Variants in PRR16 observed in about 807,000 individuals in gnomAD.
PRR16 encodes the protein proline rich 16, also known as protein Largen.
In PRR16, 6 loss-of-function variants were observed where a neutral mutation model predicts 18.2. The ratio of observed to expected loss-of-function variants is 0.33; its 90% CI spans 0.18 to 0.65. The LOEUF (loss-of-function observed/expected upper bound fraction) is 0.65. PRR16 is among the 30% of genes least tolerant of loss of function. PRR16 has a pLI of 0.74. For missense variants in PRR16, 412 were observed against 376.6 expected, an observed-to-expected ratio of 1.09 and a Z score of -0.78; for synonymous variants, 151 against 147.8, an observed-to-expected ratio of 1.02 and a Z score of -0.16.
chr5:120,639,615 G>T (rs1755355205), intron 1 of PRR16, among the ~76,000 whole-genome samples: 1 of 151,818 alleles, frequency 6.6e-6, no homozygotes, highest in Non-Finnish European at 1.5e-5. Flanking sequence ...AGTCAGAATG[G>T]CTATGATCAG....
At chr5:120,515,597 T>A (rs1750963039) in intron 1 of PRR16, among the ~76,000 whole-genome samples, 1 of 152,190 alleles carries the variant, frequency 6.6e-6, no homozygotes, top group Admixed American at 6.5e-5. Context: ...TACATTCTGA[T>A]CACTTTCTTT....
At chr5:120,670,738 A>T (rs148459663) in intron 1 of PRR16, among the ~76,000 whole-genome samples, 4 of 152,272 alleles carry the variant, frequency 2.6e-5, no homozygotes, top group Admixed American at 6.5e-5. Flanking sequence ...CACTCCCTTC[A>T]TGGTTGAACC....
chr5:120,583,637 G>A (rs1219115043), intron 1 of PRR16, among the ~76,000 whole-genome samples: 1 of 152,086 alleles, frequency 6.6e-6, no homozygotes, highest in Non-Finnish European at 1.5e-5. Context: ...TTGAGATTTG[G>A]GTATGATGAA....
chr5:120,585,615 C>CT (rs1753414587), intron 1 of PRR16, among the ~76,000 whole-genome samples: 1 of 143,444 alleles, frequency 7.0e-6, no homozygotes, highest in Middle Eastern at 3.5e-3. Flanking sequence ...GAGACTTGGT[C>CT]TAAAAAAAAA....
At chr5:120,469,798 T>C (rs1749211762) in intron 1 of PRR16, among the ~76,000 whole-genome samples, 2 of 152,234 alleles carry the variant, frequency 1.3e-5, no homozygotes, top group African/African-American at 4.8e-5. Context: ...TTAGGCATGA[T>C]GGCCTAGCAG....
chr5:120,653,813 G>C (rs1755873751), intron 1 of PRR16, among the ~76,000 whole-genome samples: 1 of 151,892 alleles, frequency 6.6e-6, no homozygotes, highest in African/African-American at 2.4e-5. Context: ...CTCTCATGAT[G>C]ACCTGCCTGC....
chr5:120,771,587 T>A, the PRR16 span, among the ~76,000 whole-genome samples: 11 of 152,050 alleles, frequency 7.2e-5, no homozygotes, highest in Admixed American at 2.0e-4. Context: ...GAAACCATAA[T>A]AAAGTCATTT....
In PRR16 at chr5:120,645,873, A is replaced by C. The variant is rs200874300; in HGVS notation, c.160-40081A>C. Among the ~76,000 whole-genome samples the C allele has an allele frequency of 1.9e-4, 29 of 151,964 alleles. No individual in the cohort carries two copies. In the East Asian group the frequency reaches 5.6e-3, roughly 30 times the overall value. On this transcript the variant is annotated intron_variant, in intron 1 of 1. Coordinates refer to ENST00000407149, the MANE Select transcript of PRR16 (RefSeq NM_001300783.2). ...AAATATACACCATGTAATCTTGTGG[A>C]TATCTTTCGTAAAACAGAGGAAATC...
intron 1 of PRR16, among the ~76,000 whole-genome samples, chr5:120,653,207 A>C (rs942064657): frequency 6.6e-6 from 1 of 151,830 alleles, no homozygotes. Flanking sequence ...CTTGGTCTCT[A>C]TGTTGGTCCC....
At position 120,585,072 on chromosome 5, in the gene PRR16, G is replaced by T. The variant is rs1753395842; in HGVS notation, c.160-100882G>T. ...AACAAAATATTTGCCCTTCCACCTT[G>T]GGAAAGACTCAATTGTTAAAACAGC... On this transcript the variant is annotated intron_variant, in intron 1 of 1. Transcript: ENST00000407149. Among the ~76,000 whole-genome samples the T allele has an allele frequency of 2.0e-5, 3 of 152,106 alleles. No homozygotes were observed. The South Asian group carries it at 6.2e-4, about 31-fold the overall frequency.
At chr5:120,671,042 C>CT (rs1405712297) in intron 1 of PRR16, among the ~76,000 whole-genome samples, 1 of 152,070 alleles carries the variant, frequency 6.6e-6, no homozygotes. Context: ...ATCTCTTTCC[C>CT]TTTCTGTCTT....
At chr5:120,754,231 A>ATAATTATATATTATAATATATAAT in the PRR16 span, among the ~76,000 whole-genome samples, 2 of 87,634 alleles carry the variant, frequency 2.3e-5, no homozygotes, top group Non-Finnish European at 4.1e-5. Context: ...TATATAATAT[A>ATAATTATATATTATAATATATAAT]ATATATAATT....
the PRR16 span, among the ~76,000 whole-genome samples, chr5:120,752,802 A>G: frequency 1.3e-5 from 2 of 151,992 alleles, no homozygotes; most frequent in African/African-American, 4.8e-5. Context: ...TATTTAGCTT[A>G]GTCAGTGGAA....
At chr5:120,732,365 G>A in the PRR16 span, among the ~76,000 whole-genome samples, 1 of 152,104 alleles carries the variant, frequency 6.6e-6, no homozygotes, top group South Asian at 2.1e-4. Context: ...TGAAGACGAG[G>A]GAGTGGGTAT....
At position 120,664,303 on chromosome 5, in the gene PRR16, G is replaced by GAAAACAAAAC. The variant is rs150667184; in HGVS notation, c.160-21636_160-21627dup. On this transcript the variant is annotated intron_variant, in intron 1 of 1. Coordinates refer to ENST00000407149, the MANE Select transcript of PRR16 (RefSeq NM_001300783.2). The stretch of plus-strand genomic sequence containing the variant: ...GACAGAGTGAAACTCTGTCTCAAAA[G>GAAAACAAAAC]AAAACAAAACAAAACAAAACAAAAT... 3.1e-3 allele frequency among the ~76,000 whole-genome samples: 461 copies of GAAAACAAAAC among 149,670 alleles called. 3 individuals carry two copies. The highest frequency in any genetic ancestry group is 0.011 in the African/African-American group (440 of 40,774).
At chr5:120,630,131 C>A (rs551781852) in intron 1 of PRR16, among the ~76,000 whole-genome samples, 1 of 151,852 alleles carries the variant, frequency 6.6e-6, no homozygotes, top group South Asian at 2.1e-4. Flanking sequence ...TACTTTTATT[C>A]TTTCTCAATT....
chr5:120,534,148 G>A (rs1325638243), intron 1 of PRR16, among the ~76,000 whole-genome samples: 2 of 152,102 alleles, frequency 1.3e-5, no homozygotes, highest in South Asian at 4.1e-4. Flanking sequence ...AGAGCTTGTG[G>A]CAGAGATCTG....
At chr5:120,520,982 C>G (rs1050388691) in intron 1 of PRR16, among the ~76,000 whole-genome samples, 2 of 151,922 alleles carry the variant, frequency 1.3e-5, no homozygotes, top group Non-Finnish European at 2.9e-5. Flanking sequence ...ATTAGAAGTG[C>G]CACAGGAAAC....
At chr5:120,659,136 A>G (rs1032024154) in intron 1 of PRR16, among the ~76,000 whole-genome samples, 4 of 152,048 alleles carry the variant, frequency 2.6e-5, no homozygotes, top group Non-Finnish European at 5.9e-5. Flanking sequence ...ACAATTATCA[A>G]AAGCACTGGC....
Sources: gnomAD v4.1 joint callset for allele counts (sites outside exome capture counted in the v4.1 genomes callset) on GRCh38, gnomAD v4.1.1 for gene constraint, MANE v1.5 for transcripts, NCBI Gene and HGNC (gene_info 2026-07-23, HGNC 2026-07-21) for gene names.